SGCZ: variants seen among roughly 807,000 people sequenced by gnomAD.
SGCZ encodes the protein zeta-sarcoglycan.
Under a neutral mutation model 41.3 loss-of-function variants are expected in SGCZ, and 40 were observed. The ratio of observed to expected loss-of-function variants is 0.97; its 90% confidence interval spans 0.75 to 1.26. The LOEUF (loss-of-function observed/expected upper bound fraction) is 1.26, where lower values mean the gene tolerates loss of function less well. SGCZ is among the 50% of genes most tolerant of loss of function. The pLI is 0.00. For missense variants in SGCZ, 552 were observed against 369.8 expected (o/e 1.49, Z -4.04); for synonymous variants, 206 against 137.5 (o/e 1.50, Z -3.49).
intron 1 of SGCZ, among the ~76,000 whole-genome samples, chr8:14,854,021 T>TTATATATA (rs10604213): frequency 0.053 from 5,718 of 107,112 alleles, 190 homozygotes; most frequent in Non-Finnish European, 0.075. Flanking sequence ...TGTGATTATA[T>TTATATATA]TATATATATA....
chr8:14,686,134 G>A (rs1277456987), intron 1 of SGCZ, among the ~76,000 whole-genome samples: 4 of 152,132 alleles, frequency 2.6e-5, no homozygotes, highest in South Asian at 2.1e-4. Context: ...AAACTCATCT[G>A]AGCAATTTAT....
chr8:14,863,561 A>C (rs1327856678), intron 1 of SGCZ, among the ~76,000 whole-genome samples: 1 of 152,160 alleles, frequency 6.6e-6, no homozygotes, highest in Non-Finnish European at 1.5e-5. Context: ...GATAAAATGA[A>C]CACTGACAGT....
At chr8:15,195,487 T>C (rs1205609168) in intron 1 of SGCZ, among the ~76,000 whole-genome samples, 8 of 152,202 alleles carry the variant, frequency 5.3e-5, no homozygotes, top group African/African-American at 1.9e-4. Flanking sequence ...CTCTCTAACC[T>C]GAGCATCCTT....
intron 4 of SGCZ, among the ~76,000 whole-genome samples, chr8:14,204,893 C>T (rs534518470): frequency 2.0e-4 from 30 of 152,162 alleles, no homozygotes; most frequent in Middle Eastern, 3.4e-3. Context: ...GTTCTGAGGC[C>T]TTCAGACTTG....
chr8:14,551,537 TATATAA>T, intron 2 of SGCZ, among the ~76,000 whole-genome samples: 3 of 4,938 alleles, frequency 6.1e-4, no homozygotes, highest in African/African-American at 1.2e-3. Flanking sequence ...ATATATAATA[TATATAA>T]TATATATAAT....
intron 1 of SGCZ, among the ~76,000 whole-genome samples, chr8:15,232,136 T>C (rs1175482651): frequency 6.6e-6 from 1 of 152,226 alleles, no homozygotes; most frequent in African/African-American, 2.4e-5. Context: ...AACGGTCATT[T>C]TCCTTAGTAA....
chr8:14,567,148 G>C (rs552702383), intron 1 of SGCZ, among the ~76,000 whole-genome samples: 2 of 152,168 alleles, frequency 1.3e-5, no homozygotes, highest in Non-Finnish European at 2.9e-5. Context: ...TGGTGGCGTC[G>C]GAGCCCCCCC....
intron 2 of SGCZ, among the ~76,000 whole-genome samples, chr8:14,326,234 A>G (rs1415482277): frequency 1.3e-5 from 2 of 151,958 alleles, no homozygotes; most frequent in African/African-American, 2.4e-5. Context: ...GATGATGTCA[A>G]TGGGTTGGGA....
rs71209049 is a variant in SGCZ at position 14,485,833 on chromosome 8, A to ATTTTTTTTTTTTTTTTT, written c.234+68882_234+68898dup. Among the ~76,000 whole-genome samples, 38 of 103,374 alleles carry ATTTTTTTTTTTTTTTTT rather than the reference A, an allele frequency of 3.7e-4. 1 individual carries two copies. The highest frequency in any genetic ancestry group is 1.8e-3 in the East Asian group (6 of 3,354). The allele number at this position is 103,374 out of a possible 152,430, so 67.8% of individuals were successfully genotyped here. A position where few individuals can be genotyped will look rare whatever the true frequency, so the allele number is the denominator to read the frequency against. On this transcript the variant is annotated intron_variant, in intron 2 of 7. Coordinates refer to ENST00000382080, the MANE Select transcript of SGCZ (RefSeq NM_139167.4). ...ACTACTTTATATTTTCTCTAGAACA[A>ATTTTTTTTTTTTTTTTT]TTTTTTTTTTTTTTTTTTTGAGACG...
At chr8:14,778,933 G>C (rs1042814025) in intron 1 of SGCZ, among the ~76,000 whole-genome samples, 26 of 152,248 alleles carry the variant, frequency 1.7e-4, no homozygotes, top group African/African-American at 5.8e-4. Context: ...ACATTAAATA[G>C]TCTCACACTC....
At chr8:14,868,391 T>C (rs1358886846) in intron 1 of SGCZ, among the ~76,000 whole-genome samples, 1 of 152,170 alleles carries the variant, frequency 6.6e-6, no homozygotes, top group East Asian at 1.9e-4. Context: ...CTATTTCTGC[T>C]ACATTGCTGA....
intron 2 of SGCZ, among the ~76,000 whole-genome samples, chr8:14,493,292 G>C (rs763117162): frequency 7.0e-6 from 1 of 142,846 alleles, no homozygotes; most frequent in Non-Finnish European, 1.5e-5. Flanking sequence ...TTCCTTAAAT[G>C]TAAAATACTT....
At chr8:14,471,658 A>G (rs1801215934) in intron 2 of SGCZ, among the ~76,000 whole-genome samples, 1 of 152,096 alleles carries the variant, frequency 6.6e-6, no homozygotes, top group Admixed American at 6.5e-5. Context: ...CATCAGCTAC[A>G]TAAAGCTGAA....
At chr8:14,440,212 A>T (rs1800208475) in intron 2 of SGCZ, among the ~76,000 whole-genome samples, 1 of 152,040 alleles carries the variant, frequency 6.6e-6, no homozygotes, top group South Asian at 2.1e-4. Flanking sequence ...TATGTCATAG[A>T]TATATGATAT....
At chr8:15,121,680 A>C (rs1807482876) in intron 1 of SGCZ, among the ~76,000 whole-genome samples, 1 of 152,180 alleles carries the variant, frequency 6.6e-6, no homozygotes, top group Non-Finnish European at 1.5e-5. Flanking sequence ...GAAATACTTC[A>C]CTACAGACAC....
chr8:14,823,898 A>T (rs1802198656), intron 1 of SGCZ, among the ~76,000 whole-genome samples: 1 of 152,168 alleles, frequency 6.6e-6, no homozygotes, highest in South Asian at 2.1e-4. Context: ...ATTCAGCTTT[A>T]AAAAGGAATT....
At chr8:14,852,622 C>T (rs1044058232) in intron 1 of SGCZ, among the ~76,000 whole-genome samples, 4 of 152,112 alleles carry the variant, frequency 2.6e-5, no homozygotes, top group African/African-American at 7.2e-5. Flanking sequence ...GACTTTTTTC[C>T]CTGCACGCCA....
At chr8:14,620,593 G>GC (rs1554466783) in intron 1 of SGCZ, among the ~76,000 whole-genome samples, 3 of 152,062 alleles carry the variant, frequency 2.0e-5, no homozygotes, top group Non-Finnish European at 2.9e-5. Context: ...AAATTTATGA[G>GC]AAAAAACAAA....
At chr8:14,986,909 A>G (rs1363015684) in intron 1 of SGCZ, among the ~76,000 whole-genome samples, 2 of 152,046 alleles carry the variant, frequency 1.3e-5, no homozygotes, top group Non-Finnish European at 2.9e-5. Flanking sequence ...AGGATTAAAT[A>G]TAAAATGTTC....
Sources: gnomAD v4.1 joint callset for allele counts (sites outside exome capture counted in the v4.1 genomes callset) on GRCh38, gnomAD v4.1.1 for gene constraint, MANE v1.5 for transcripts, NCBI Gene and HGNC (gene_info 2026-07-23, HGNC 2026-07-21) for gene names.